The following TMEM80 variants were observed in gnomAD, a reference collection of about 807,000 sequenced individuals.
TMEM80 encodes transmembrane protein 80.
Under a neutral mutation model 13.6 loss-of-function variants are expected in TMEM80, and 16 were observed. The observed-to-expected ratio is 1.17, with a 90% CI of 0.79 to 1.78. The LOEUF is 1.78. TMEM80 is among the 40% of genes most tolerant of loss of function. TMEM80 has a pLI of 0.00. For missense variants in TMEM80, 167 were observed against 184.6 expected (o/e 0.90, Z 0.55); for synonymous variants, 92 against 89.5 (o/e 1.03, Z -0.16).
chr11:700,337 G>A (rs763910432), intron 3 of TMEM80, 102 bp downstream of exon 3: 33 of 1,077,434 alleles, frequency 3.1e-5, no homozygotes, highest in Non-Finnish European at 4.0e-5. Context: ...GACCAGCCAG[G>A]CCAACATGGG....
intron 1 of TMEM80, among the ~76,000 whole-genome samples, chr11:698,600 G>T (rs1486642160): frequency 6.6e-6 from 1 of 152,146 alleles, no homozygotes; most frequent in African/African-American, 2.4e-5. Context: ...GCTGGGTCTG[G>T]CCCAGGTTCA....
intron 2 of TMEM80, chr11:699,245 G>C (rs559882161): frequency 3.1e-6 from 1 of 327,122 alleles, no homozygotes; most frequent in African/African-American, 2.1e-5. Context: ...TTTTTTTAAG[G>C]ACAGAGCCTT....
chr11:695,962 A>G (rs1861127608), intron 1 of TMEM80, 116 bp downstream of exon 1: 3 of 827,110 alleles, frequency 3.6e-6, no homozygotes, highest in Non-Finnish European at 4.8e-6. Context: ...CACCGTCTCT[A>G]CGTGAGCGAG....
At chr11:701,119 G>T in intron 4 of TMEM80, 1 of 215,386 alleles carries the variant, frequency 4.6e-6, no homozygotes, top group South Asian at 7.2e-5. Flanking sequence ...GAGTCTGGAG[G>T]GGTGGGAGCC....
rs762743946 is a variant in TMEM80 at position 702,986 on chromosome 11, G to A, written c.268G>A (p.Ala90Thr). 43 of 1,610,694 alleles carry A rather than the reference G, an allele frequency of 2.7e-5. 1 individual carries two copies. In the East Asian group the frequency reaches 3.3e-4, roughly 13 times the overall value. ...NLTEAERPLA[A>T]SLALTAGTAL... Reference sequence around the variant, plus strand: ...GACAGAGGCTGAGAGGCCGCTGGCCGCCAGCCTGGCCCTCACGGCTGGCAC... The same window carrying A: ...GACAGAGGCTGAGAGGCCGCTGGCCACCAGCCTGGCCCTCACGGCTGGCAC... The change falls in exon 5 of 5, where the codon GCC becomes ACC. Residue 90 changes from alanine to threonine, a missense_variant. Ala to Thr is a moderately conservative substitution (Grantham distance 58). Transcript: ENST00000397510.
At chr11:695,977 C>T in intron 1 of TMEM80, 131 bp downstream of exon 1, 1 of 732,928 alleles carries the variant, frequency 1.4e-6, no homozygotes, top group Non-Finnish European at 1.9e-6. Context: ...AGCGAGACAG[C>T]TCCGTCACCC....
intron 2 of TMEM80, chr11:699,110 G>T: frequency 1.8e-6 from 1 of 547,530 alleles, no homozygotes; most frequent in South Asian, 2.7e-5. Flanking sequence ...AAGTGGCTAA[G>T]CACGCCACAC....
At chr11:700,084 C>A in intron 2 of TMEM80, 58 bp from the exon 3 acceptor site, 1 of 1,467,860 alleles carries the variant, frequency 6.8e-7, no homozygotes, top group Non-Finnish European at 9.5e-7. Context: ...TCTTGTTCAG[C>A]CACCTGGGAG....
At chr11:696,056 G>T (rs79478202) in intron 1 of TMEM80, among the ~76,000 whole-genome samples, 2,423 of 152,254 alleles carry the variant, frequency 0.016, 166 homozygotes, top group Admixed American at 0.12. Flanking sequence ...TCCCCCGCGC[G>T]CGGGCGCCTG....
chr11:704,922 C>T (rs76837702), downstream of TMEM80: 27,379 of 348,538 alleles, frequency 0.079, 1,531 homozygotes, highest in East Asian at 0.2. Flanking sequence ...ACGGGTGCAC[C>T]GAGGGGTTGG....
At chr11:699,911 T>G in intron 2 of TMEM80, 4 of 536,042 alleles carry the variant, frequency 7.5e-6, no homozygotes, top group Admixed American at 3.3e-5. Flanking sequence ...ACAGACCGCA[T>G]TGTTGTGGCA....
downstream of TMEM80, chr11:704,469 T>C (rs1442562238): frequency 1.6e-6 from 2 of 1,289,280 alleles, no homozygotes. Flanking sequence ...AGGACAGCCC[T>C]GAGGACCCAC....
chr11:700,942 G>T (rs1343729830), intron 4 of TMEM80: 10 of 575,926 alleles, frequency 1.7e-5, no homozygotes, highest in Admixed American at 2.9e-5. Context: ...GTGTTTGGAA[G>T]CATGTCTTGT....
At chr11:698,813 C>A in intron 1 of TMEM80, 56 bp from the exon 2 acceptor site, 1 of 1,610,372 alleles carries the variant, frequency 6.2e-7, no homozygotes, top group Middle Eastern at 1.7e-4. Context: ...GGAGCGAGAC[C>A]CGGGAAAGCA....
intron 4 of TMEM80, among the ~76,000 whole-genome samples, chr11:702,575 T>C (rs1011282645): frequency 6.6e-6 from 1 of 152,378 alleles, no homozygotes; most frequent in African/African-American, 2.4e-5. Context: ...AAAAATACTT[T>C]GGGAATTTTT....
At chr11:696,083 G>A (rs1217193211) in intron 1 of TMEM80, among the ~76,000 whole-genome samples, 2 of 152,194 alleles carry the variant, frequency 1.3e-5, no homozygotes, top group Admixed American at 6.5e-5. Flanking sequence ...GGCAGGGTGG[G>A]TGCGGAGCGG....
intron 1 of TMEM80, among the ~76,000 whole-genome samples, chr11:696,076 A>G (rs1445269833): frequency 3.3e-5 from 5 of 151,680 alleles, no homozygotes; most frequent in Non-Finnish European, 5.9e-5. Context: ...GGCCCCGGGC[A>G]GGGTGGGTGC....
intron 2 of TMEM80, 81 bp downstream of exon 2, chr11:698,969 C>T: frequency 2.6e-6 from 4 of 1,556,826 alleles, no homozygotes; most frequent in Middle Eastern, 1.7e-4. Context: ...CCTCACCCCA[C>T]GTTTTCCCTA....
At chr11:700,478 G>C in intron 3 of TMEM80, 137 bp from the exon 4 acceptor site, 1 of 801,518 alleles carries the variant, frequency 1.2e-6, no homozygotes, top group Non-Finnish European at 2.1e-6. Context: ...AGTGAGCCAA[G>C]ATTGCGCCAC....
Sources: gnomAD v4.1 joint callset for allele counts (sites outside exome capture counted in the v4.1 genomes callset) on GRCh38, gnomAD v4.1.1 for gene constraint, MANE v1.5 for transcripts, NCBI Gene and HGNC (gene_info 2026-07-23, HGNC 2026-07-21) for gene names.